The following SASH1 variants were observed in gnomAD, a reference collection of about 807,000 sequenced individuals.
The protein encoded by SASH1 is SAM and SH3 domain-containing protein 1.
In SASH1, 44 loss-of-function variants were observed where a neutral mutation model predicts 125.2. That is an observed-to-expected ratio of 0.35 (90% confidence interval 0.28 to 0.45). The LOEUF is 0.45. Ranked by LOEUF, SASH1 falls within the 20% of genes least tolerant of loss-of-function variation. SASH1 has a pLI of 1.00. For synonymous variants in SASH1, 639 were observed against 649.1 expected (o/e 0.98, Z 0.24); for missense variants, 1,426 against 1,614.5 (o/e 0.88, Z 2.00).
At chr6:148,276,390 A>AC (rs770443230) in intron 1 of SASH1, among the ~76,000 whole-genome samples, 46 of 151,926 alleles carry the variant, frequency 3.0e-4, no homozygotes, top group Non-Finnish European at 5.6e-4. Context: ...TTTGTGACTC[A>AC]CCCCCTTCAG....
chr6:148,459,120 T>C (rs1400051560), intron 4 of SASH1, among the ~76,000 whole-genome samples: 1 of 152,160 alleles, frequency 6.6e-6, no homozygotes, highest in Admixed American at 6.5e-5. Flanking sequence ...GAATAGGTGC[T>C]GTTACTGTCA....
At chr6:148,281,406 C>T (rs1199377564) in intron 1 of SASH1, among the ~76,000 whole-genome samples, 2 of 152,036 alleles carry the variant, frequency 1.3e-5, no homozygotes, top group Middle Eastern at 3.2e-3. Flanking sequence ...TCACCTACAC[C>T]CCTTATCTGC....
At chr6:148,430,579 G>A (rs1452610744) in intron 2 of SASH1, among the ~76,000 whole-genome samples, 2 of 152,100 alleles carry the variant, frequency 1.3e-5, no homozygotes, top group East Asian at 1.9e-4. Flanking sequence ...CGATCCACCC[G>A]CCTTGGCCTC....
At chr6:148,514,804 A>C (rs1307928536) in intron 9 of SASH1, among the ~76,000 whole-genome samples, 2 of 152,240 alleles carry the variant, frequency 1.3e-5, no homozygotes, top group Middle Eastern at 3.2e-3. Flanking sequence ...CCAATCCCAG[A>C]AAGGACTATG....
At chr6:148,353,532 T>A (rs1205870457) in intron 1 of SASH1, among the ~76,000 whole-genome samples, 1 of 150,228 alleles carries the variant, frequency 6.7e-6, no homozygotes, top group Non-Finnish European at 1.5e-5. Flanking sequence ...CCTCCCAGAT[T>A]CAAATGATTC....
intron 8 of SASH1, chr6:148,508,686 A>G: frequency 1.7e-6 from 2 of 1,180,892 alleles, no homozygotes; most frequent in Non-Finnish European, 2.1e-6. Context: ...TCCTTCGGAT[A>G]CTGAGCTGTG....
At chr6:148,313,592 G>A (rs549361035) in intron 1 of SASH1, among the ~76,000 whole-genome samples, 5 of 152,226 alleles carry the variant, frequency 3.3e-5, no homozygotes, top group Admixed American at 2.6e-4. Context: ...AACCTATGTC[G>A]AGACTTTTTA....
chr6:148,451,497 C>T (rs1341729313), intron 4 of SASH1, among the ~76,000 whole-genome samples: 2 of 152,174 alleles, frequency 1.3e-5, no homozygotes, highest in Non-Finnish European at 2.9e-5. Flanking sequence ...AGATTTTCCT[C>T]TTCTAAAATA....
chr6:148,271,249 G>T (rs1388368763), upstream of SASH1, among the ~76,000 whole-genome samples: 2 of 152,184 alleles, frequency 1.3e-5, no homozygotes, highest in East Asian at 1.9e-4. Flanking sequence ...GCTGCCTAAT[G>T]GTTATGTTAG....
chr6:148,424,764 C>T (rs1267422974), intron 2 of SASH1, among the ~76,000 whole-genome samples: 12 of 152,198 alleles, frequency 7.9e-5, no homozygotes, highest in Non-Finnish European at 4.4e-5. Flanking sequence ...TACACCTACC[C>T]CTTCACCTGC....
intron 2 of SASH1, among the ~76,000 whole-genome samples, chr6:148,397,880 C>G (rs1175159495): frequency 6.6e-6 from 1 of 152,162 alleles, no homozygotes; most frequent in Non-Finnish European, 1.5e-5. Context: ...GTATTCCCTG[C>G]CCACAAAGAG....
At chr6:148,530,600 C>A (rs929093478) in intron 12 of SASH1, among the ~76,000 whole-genome samples, 1 of 152,178 alleles carries the variant, frequency 6.6e-6, no homozygotes, top group African/African-American at 2.4e-5. Flanking sequence ...CTTCTGATGA[C>A]TCGGCAGCAT....
chr6:148,471,931 G>A (rs552849677), intron 6 of SASH1, among the ~76,000 whole-genome samples: 2 of 152,270 alleles, frequency 1.3e-5, no homozygotes, highest in East Asian at 1.9e-4. Context: ...CTTCTGCAGC[G>A]GGACGGTTAT....
chr6:148,476,892 G>A (rs114454319), intron 7 of SASH1, among the ~76,000 whole-genome samples: 2 of 152,046 alleles, frequency 1.3e-5, no homozygotes, highest in African/African-American at 4.8e-5. Context: ...ATAGAATAGA[G>A]AGCCCGGAAA....
At position 148,359,959 on chromosome 6, in the gene SASH1, C is replaced by T. The variant is rs1288562190; in HGVS notation, c.156+16736C>T. Among the ~76,000 whole-genome samples, 3 of 152,230 alleles carry T rather than the reference C, an allele frequency of 2.0e-5. No individual in the cohort carries two copies. In the South Asian group the frequency reaches 6.2e-4, roughly 32 times the overall value. On this transcript the variant is annotated intron_variant, in intron 1 of 19. Coordinates refer to ENST00000367467, the MANE Select transcript of SASH1 (RefSeq NM_015278.5). The stretch of plus-strand genomic sequence containing the variant: ...ATTTTTAGTAGAGACGGGGTTTCAC[C>T]GTGTTAGCCAGGATGGTCTTGATCT...
At chr6:148,206,663 G>A in the SASH1 span, among the ~76,000 whole-genome samples, 3,527 of 151,822 alleles carry the variant, frequency 0.023, 62 homozygotes, top group East Asian at 0.059. Context: ...GATGGTAGGT[G>A]CCTGAAATAC....
At chr6:148,352,699 C>T (rs969605594) in intron 1 of SASH1, among the ~76,000 whole-genome samples, 20 of 151,650 alleles carry the variant, frequency 1.3e-4, no homozygotes, top group African/African-American at 3.9e-4. Flanking sequence ...TGGCTGGGTA[C>T]GGTGGCTCAT....
At position 148,471,411 on chromosome 6, in the gene SASH1, T is replaced by TATG; in HGVS notation, c.428-6_428-5insATG. On this transcript the variant is annotated splice_region_variant and splice_polypyrimidine_tract_variant and intron_variant, in intron 5 of 19. Transcript: ENST00000367467. The stretch of plus-strand genomic sequence containing the variant: ...CTTTTTTTTTTTTTTTTTTTTTTTT[T>TATG]TTAAGGAAAAGGAGACTGGAAGAAG... The TATG allele has an allele frequency of 1.6e-6, 2 of 1,224,408 alleles. No homozygotes were observed. The highest frequency in any genetic ancestry group is 2.2e-6 in the Non-Finnish European group (2 of 891,520). The allele number at this position is 1,224,408 out of a possible 1,614,324, so 75.8% of individuals were successfully genotyped here. A position where few individuals can be genotyped will look rare whatever the true frequency, so the allele number is the denominator to read the frequency against.
the SASH1 span, among the ~76,000 whole-genome samples, chr6:148,259,511 G>A: frequency 3.9e-5 from 6 of 152,246 alleles, no homozygotes; most frequent in African/African-American, 1.2e-4. Flanking sequence ...AAGAGCATTC[G>A]GTCCTTCACC....
Sources: allele counts gnomAD v4.1 joint callset (sites outside exome capture counted in the v4.1 genomes callset), GRCh38; gene constraint gnomAD v4.1.1; transcripts MANE v1.5; gene names NCBI Gene and HGNC (gene_info 2026-07-23, HGNC 2026-07-21).